Variants in SLCO1B3 observed in about 807,000 individuals in gnomAD.
The protein encoded by SLCO1B3 is solute carrier organic anion transporter family member 1B3.
SLCO1B3 carries 72 observed loss-of-function variants against 71.8 expected under a neutral mutation model. That is an observed-to-expected ratio of 1.00 (90% confidence interval 0.83 to 1.22). The LOEUF is 1.22. Among genes scored for constraint, SLCO1B3 ranks in the 50% most tolerant of loss-of-function variants. The pLI, the probability that SLCO1B3 is intolerant of heterozygous loss-of-function variation, is 0.00. For missense variants in SLCO1B3, 911 were observed against 819.7 expected, an observed-to-expected ratio of 1.11 and a Z score of -1.36; for synonymous variants, 298 against 278.4, an observed-to-expected ratio of 1.07 and a Z score of -0.70.
chr12:20,875,320 T>C lies in SLCO1B3; in HGVS notation c.813T>C (p.Ile271=). 1 of 1,613,556 alleles carries C rather than the reference T, an allele frequency of 6.2e-7. No homozygotes were observed. Among genetic ancestry groups the C allele is most frequent in the Non-Finnish European group, 8.5e-7 (1 of 1,179,658 alleles). ...TTGTGTCTGGACTATTTTCCATTAT[T>C]TCTTCCATACCATTTTTTTTCTTGC... ...GFLVSGLFSI[I]SSIPFFFLPK... The change falls in exon 9 of 16, where the codon ATT becomes ATC. Residue 271 remains isoleucine (I), a synonymous_variant. Coordinates refer to ENST00000381545, the MANE Select transcript of SLCO1B3 (RefSeq NM_019844.4).
rs140733736 is a variant in SLCO1B3, at chr12:20,881,431, C to T, written c.1497+411C>T. Among the ~76,000 whole-genome samples, 110 of 152,226 alleles carry T rather than the reference C, an allele frequency of 7.2e-4. 2 individuals are homozygous for T. The South Asian group carries it at 0.017, about 24-fold the overall frequency. On this transcript the variant is annotated intron_variant, in intron 12 of 15. Coordinates refer to ENST00000381545, the MANE Select transcript of SLCO1B3 (RefSeq NM_019844.4). ...CCTGTTGTCAGCACTACCTGCTTTA[C>T]GAGAACAATAATCTATTTGCATTTT...
chr12:20,818,402 G>T (rs1864230863), intron 3 of SLCO1B3, among the ~76,000 whole-genome samples: 1 of 152,270 alleles, frequency 6.6e-6, no homozygotes, highest in South Asian at 2.1e-4. Context: ...CAGAAGGGAA[G>T]AAATGACTGC....
intron 3 of SLCO1B3, among the ~76,000 whole-genome samples, chr12:20,834,896 G>A (rs10841664): frequency 0.46 from 69,586 of 151,934 alleles, 17,986 homozygotes; most frequent in South Asian, 0.64. Flanking sequence ...GGGAGCTCTC[G>A]CCCCACATTT....
Position 20,855,059 on chromosome 12 carries a change from T to C in SLCO1B3, c.116T>C (p.Ile39Thr), listed in dbSNP as rs1222230674. 2 of 1,612,236 alleles carry C rather than the reference T, an allele frequency of 1.2e-6. No individual in the cohort carries two copies. The highest frequency in any genetic ancestry group is 1.7e-6 in the Non-Finnish European group (2 of 1,179,758). Residue 39 changes from isoleucine to threonine, a missense_variant, in exon 4 of 16, where the codon ATT becomes ACT. Physicochemically the swap from Ile to Thr is moderately conservative, Grantham distance 89. Coordinates refer to ENST00000381545, the MANE Select transcript of SLCO1B3 (RefSeq NM_019844.4). ...MFLAALSFSYIAKALGGIIMK... is the reference protein window; with the variant it reads ...MFLAALSFSYTAKALGGIIMK... The stretch of plus-strand genomic sequence containing the variant: ...TTGGCAGCCCTGTCATTCAGCTATA[T>C]TGCTAAAGCACTAGGTGGAATCATT...
intron 3 of SLCO1B3, among the ~76,000 whole-genome samples, chr12:20,829,551 G>C (rs1864495842): frequency 3.9e-5 from 6 of 152,134 alleles, no homozygotes; most frequent in Admixed American, 3.9e-4. Context: ...TGCAGTGGGA[G>C]CCCCCTGACC....
chr12:20,852,960 T>C (rs1192490013), intron 3 of SLCO1B3, among the ~76,000 whole-genome samples: 2 of 152,108 alleles, frequency 1.3e-5, no homozygotes, highest in Non-Finnish European at 2.9e-5. Context: ...GTAGGTTGAA[T>C]TAATATTAAT....
At chr12:20,898,550 A>T in intron 14 of SLCO1B3, 50 bp downstream of exon 14, 1 of 886,732 alleles carries the variant, frequency 1.1e-6, no homozygotes, top group Non-Finnish European at 1.8e-6. Context: ...TATTAATGTT[A>T]AATACTAAAG....
chr12:20,837,866 C>T (rs1864715563), intron 3 of SLCO1B3, among the ~76,000 whole-genome samples: 1 of 151,976 alleles, frequency 6.6e-6, no homozygotes, highest in Admixed American at 6.6e-5. Context: ...TTATTAAGGT[C>T]AAGTATTTTC....
intron 8 of SLCO1B3, among the ~76,000 whole-genome samples, chr12:20,866,110 G>C (rs1052273152): frequency 6.6e-6 from 1 of 152,080 alleles, no homozygotes; most frequent in African/African-American, 2.4e-5. Context: ...TCAACCTTAA[G>C]TAACACTGTG....
chr12:20,890,990 A>G (rs1865891030), intron 13 of SLCO1B3, among the ~76,000 whole-genome samples: 1 of 152,090 alleles, frequency 6.6e-6, no homozygotes, highest in Non-Finnish European at 1.5e-5. Flanking sequence ...ATATTTTTTA[A>G]GAAGAGTGTT....
At chr12:20,838,368 CACA>C (rs1305353033) in intron 3 of SLCO1B3, among the ~76,000 whole-genome samples, 1 of 152,056 alleles carries the variant, frequency 6.6e-6, no homozygotes, top group East Asian at 1.9e-4. Flanking sequence ...GTGTCATGCA[CACA>C]ACATGTAGTT....
At chr12:20,873,982 A>G (rs1389534886) in intron 8 of SLCO1B3, among the ~76,000 whole-genome samples, 1 of 152,176 alleles carries the variant, frequency 6.6e-6, no homozygotes, top group Non-Finnish European at 1.5e-5. Context: ...TATATGTACC[A>G]CATTTGCCTT....
At chr12:20,877,441 A>C (rs1565598986) in intron 9 of SLCO1B3, among the ~76,000 whole-genome samples, 1 of 152,192 alleles carries the variant, frequency 6.6e-6, no homozygotes, top group Non-Finnish European at 1.5e-5. Context: ...CATGTAAACA[A>C]TGAGAACTGT....
At chr12:20,883,898 G>T (rs921270012) in intron 13 of SLCO1B3, among the ~76,000 whole-genome samples, 1 of 152,206 alleles carries the variant, frequency 6.6e-6, no homozygotes, top group East Asian at 1.9e-4. Context: ...GATTGTAAAA[G>T]AACTTTTAAT....
chr12:20,849,136 A>G (rs187334848), intron 3 of SLCO1B3, among the ~76,000 whole-genome samples: 14 of 152,040 alleles, frequency 9.2e-5, no homozygotes, highest in African/African-American at 2.7e-4. Context: ...GCTCTAAAAA[A>G]TAAAGTCTAT....
intron 3 of SLCO1B3, among the ~76,000 whole-genome samples, chr12:20,848,059 T>TAGTTATTA (rs1203323828): frequency 1.3e-5 from 2 of 152,096 alleles, no homozygotes; most frequent in South Asian, 4.1e-4. Flanking sequence ...ACTAATTTCT[T>TAGTTATTA]GTCAGAAACT....
At chr12:20,876,793 C>T (rs1285228486) in intron 9 of SLCO1B3, among the ~76,000 whole-genome samples, 1 of 152,132 alleles carries the variant, frequency 6.6e-6, no homozygotes, top group East Asian at 1.9e-4. Context: ...TTTATTTTGT[C>T]TATGCTATGT....
chr12:20,858,253 T>A (rs1206319545), intron 4 of SLCO1B3, among the ~76,000 whole-genome samples, 186 bp from the exon 5 acceptor site: 2 of 152,142 alleles, frequency 1.3e-5, no homozygotes, highest in Non-Finnish European at 2.9e-5. Context: ...CTATTCTACT[T>A]ATTAATACTA....
At chr12:20,842,723 C>T in intron 3 of SLCO1B3, among the ~76,000 whole-genome samples, 1 of 152,084 alleles carries the variant, frequency 6.6e-6, no homozygotes, top group East Asian at 1.9e-4. Flanking sequence ...TACTCCCTTC[C>T]CTGTTGCCTT....
Sources: allele counts gnomAD v4.1 joint callset (sites outside exome capture counted in the v4.1 genomes callset), GRCh38; gene constraint gnomAD v4.1.1; transcripts MANE v1.5; gene names NCBI Gene and HGNC (gene_info 2026-07-23, HGNC 2026-07-21).